Variants in RAP1B observed in about 807,000 individuals in gnomAD.
RAP1B encodes the protein ras-related protein Rap-1b.
In RAP1B, 1 loss-of-function variant was observed where a neutral mutation model predicts 27.5. The observed-to-expected ratio is 0.04, with a 90% CI of 0.01 to 0.17. RAP1B has a LOEUF of 0.17. RAP1B is among the 10% of genes least tolerant of loss of function. The probability of loss-of-function intolerance (pLI) is 1.00; values close to 1 mark genes in which losing one functional copy is unlikely to be tolerated. For synonymous variants in RAP1B, 75 were observed against 73.1 expected (o/e 1.03, Z -0.13); for missense variants, 84 against 214.8 (o/e 0.39, Z 3.81).
At chr12:68,657,783 T>TGCGC in intron 7 of RAP1B, 1 of 121,302 alleles carries the variant, frequency 8.2e-6, no homozygotes, top group Non-Finnish European at 1.7e-5. Context: ...CGTGCGCGCG[T>TGCGC]GCGCGTGAGC....
intron 1 of RAP1B, among the ~76,000 whole-genome samples, chr12:68,645,567 C>T (rs867512175): frequency 2.6e-5 from 4 of 152,188 alleles, no homozygotes; most frequent in Admixed American, 6.5e-5. Context: ...ATCACAAATA[C>T]GCTATACAAA....
intron 1 of RAP1B, chr12:68,642,986 C>G (rs1483153049): frequency 1.2e-6 from 1 of 807,214 alleles, no homozygotes. Flanking sequence ...AAGTTTTCGC[C>G]CAGCCATGTT....
intron 1 of RAP1B, chr12:68,625,006 C>T (rs1476936577): frequency 6.6e-6 from 1 of 152,156 alleles, no homozygotes; most frequent in Non-Finnish European, 1.5e-5. Context: ...GTTCTCATTG[C>T]CTTTATCCAT....
chr12:68,632,577 G>C (rs73332519), intron 1 of RAP1B, among the ~76,000 whole-genome samples: 8,023 of 152,132 alleles, frequency 0.053, 695 homozygotes, highest in African/African-American at 0.18. Flanking sequence ...TTTGACTAAA[G>C]TTGAAAAAGA....
intron 1 of RAP1B, among the ~76,000 whole-genome samples, 176 bp downstream of exon 1, chr12:68,611,219 C>A (rs1298582812): frequency 6.8e-6 from 1 of 146,838 alleles, no homozygotes; most frequent in Non-Finnish European, 1.5e-5. Flanking sequence ...GGCCAGGCGC[C>A]GGGCCCGCGA....
intron 1 of RAP1B, among the ~76,000 whole-genome samples, chr12:68,647,382 TCCCCGC>T (rs1565670501): frequency 1.0e-3 from 2 of 1,932 alleles, no homozygotes; most frequent in African/African-American, 2.0e-3. Context: ...CCCACTCCAC[TCCCCGC>T]CCCCCCCCCC....
intron 1 of RAP1B, chr12:68,621,439 C>T (rs1046479473): frequency 2.6e-5 from 4 of 151,928 alleles, no homozygotes; most frequent in Non-Finnish European, 5.9e-5. Context: ...GTGTTTTTTT[C>T]TTCCAGGAGC....
At chr12:68,634,812 G>A (rs1838960190) in intron 1 of RAP1B, among the ~76,000 whole-genome samples, 1 of 152,082 alleles carries the variant, frequency 6.6e-6, no homozygotes, top group Non-Finnish European at 1.5e-5. Flanking sequence ...CTAACCTTAC[G>A]TTGCATGTCA....
rs1383855882 is a variant in RAP1B at position 68,662,033 on chromosome 12, TTATATATAGTACA to T, written c.*2791_*2803del. On this transcript the variant is annotated 3_prime_UTR_variant, in exon 8 of 8. Coordinates refer to ENST00000250559, the MANE Select transcript of RAP1B (RefSeq NM_001010942.3). ...CTATATATATATATATATATATATA[TTATATATAGTACA>T]TATATAGAGAGAGTATATATATATA... The T allele has an allele frequency of 7.6e-6, 1 of 131,970 alleles. No homozygotes were observed. Among genetic ancestry groups the T allele is most frequent in the African/African-American group, 2.6e-5 (1 of 37,790 alleles). The allele number at this position is 131,970 out of a possible 1,614,324, so 8.2% of individuals were successfully genotyped here.
Position 68,632,651 on chromosome 12 carries a change from GT to G in RAP1B, c.-26-16039del, listed in dbSNP as rs895184071. Among the ~76,000 whole-genome samples the G allele has an allele frequency of 5.9e-5, 9 of 151,440 alleles. No individual in the cohort carries two copies. In the East Asian group the frequency reaches 1.5e-3, roughly 26 times the overall value. On this transcript the variant is annotated intron_variant, in intron 1 of 7. Coordinates refer to ENST00000250559, the MANE Select transcript of RAP1B (RefSeq NM_001010942.3). ...GTTTGGTTTATGGTTAGTAGACACAGTTTTTTTTTAGAGTAGACCCTGTAAA... is the reference window on the plus strand; with the variant it reads ...GTTTGGTTTATGGTTAGTAGACACAGTTTTTTTTAGAGTAGACCCTGTAAA...
At chr12:68,646,892 C>G (rs1873447756) in intron 1 of RAP1B, among the ~76,000 whole-genome samples, 1 of 152,168 alleles carries the variant, frequency 6.6e-6, no homozygotes, top group Non-Finnish European at 1.5e-5. Context: ...CTCTGAAAAT[C>G]TCAACCATTG....
chr12:68,621,527 A>G (rs1871385318), intron 1 of RAP1B: 1 of 152,234 alleles, frequency 6.6e-6, no homozygotes, highest in African/African-American at 2.4e-5. Context: ...AAGCATTTAT[A>G]ACATTTCTCT....
intron 1 of RAP1B, among the ~76,000 whole-genome samples, chr12:68,640,313 C>CT (rs555626968): frequency 1.8e-4 from 27 of 149,404 alleles, no homozygotes; most frequent in East Asian, 5.9e-4. Flanking sequence ...ATTCTTATCT[C>CT]TTTTTTTTTT....
In RAP1B at chr12:68,656,192, AT is replaced by A. The variant is rs973447013; in HGVS notation, c.325-108del. On this transcript the variant is annotated intron_variant, in intron 5 of 7. Coordinates refer to ENST00000250559, the MANE Select transcript of RAP1B (RefSeq NM_001010942.3). Reference sequence around the variant, plus strand: ...TAAATTTTATTATACATTATTTAATATTTTTTGTGGCATATGAAAAGTAATT... The same window carrying A: ...TAAATTTTATTATACATTATTTAATATTTTTGTGGCATATGAAAAGTAATT... 7.8e-6 allele frequency: 7 copies of A among 896,212 alleles called. 1 individual carries two copies. Among genetic ancestry groups the A allele is most frequent in the Middle Eastern group, 3.1e-4 (1 of 3,180 alleles). The allele number at this position is 896,212 out of a possible 1,614,324, so 55.5% of individuals were successfully genotyped here. A position where few individuals can be genotyped will look rare whatever the true frequency, so the allele number is the denominator to read the frequency against.
At chr12:68,656,625 A>C in intron 6 of RAP1B, 176 bp downstream of exon 6, 4 of 640,144 alleles carry the variant, frequency 6.2e-6, no homozygotes, top group Non-Finnish European at 1.1e-5. Context: ...ATACTATTTC[A>C]GTCTCTATTA....
At chr12:68,638,881 G>A (rs555299914) in intron 1 of RAP1B, among the ~76,000 whole-genome samples, 2 of 152,068 alleles carry the variant, frequency 1.3e-5, no homozygotes, top group South Asian at 2.1e-4. Context: ...AGCTAGTGTC[G>A]AATTCCTCAC....
chr12:68,646,512 A>G (rs1405830513), intron 1 of RAP1B, among the ~76,000 whole-genome samples: 1 of 151,858 alleles, frequency 6.6e-6, no homozygotes, highest in Middle Eastern at 3.4e-3. Context: ...GCCAGGCTGA[A>G]CTCCTGACCT....
chr12:68,644,428 C>T (rs1161138464), intron 1 of RAP1B, among the ~76,000 whole-genome samples: 1 of 151,698 alleles, frequency 6.6e-6, no homozygotes, highest in Non-Finnish European at 1.5e-5. Context: ...TAAAAAAATA[C>T]AAAAAATTAG....
chr12:68,643,018 C>A, intron 1 of RAP1B: 1 of 776,588 alleles, frequency 1.3e-6, no homozygotes, highest in South Asian at 1.4e-5. Context: ...CCGACCCTGG[C>A]TGCCCACGGT....
Sources: allele counts gnomAD v4.1 joint callset (sites outside exome capture counted in the v4.1 genomes callset), GRCh38; gene constraint gnomAD v4.1.1; transcripts MANE v1.5; gene names NCBI Gene and HGNC (gene_info 2026-07-23, HGNC 2026-07-21).